The following EYS variants were observed in gnomAD, a reference collection of about 807,000 sequenced individuals.
The protein encoded by EYS is EGF-like photoreceptor maintenance factor, also known as protein eyes shut homolog.
EYS carries 250 observed loss-of-function variants against 282.1 expected under a neutral mutation model. The observed-to-expected ratio is 0.89, with a 90% CI of 0.80 to 0.98. EYS has a LOEUF of 0.98. Ranked by LOEUF, EYS falls within the 50% of genes least tolerant of loss-of-function variation. EYS has a pLI of 0.00. For synonymous variants in EYS, 1,355 were observed against 1,282.9 expected (o/e 1.06, Z -1.20); for missense variants, 4,016 against 3,709.0 (o/e 1.08, Z -2.15).
chr6:63,902,993 G>C (rs1426565208), intron 35 of EYS, among the ~76,000 whole-genome samples: 1 of 152,188 alleles, frequency 6.6e-6, no homozygotes, highest in East Asian at 1.9e-4. Flanking sequence ...TGTCACCTAG[G>C]AGAAGGAAAG....
At chr6:64,017,467 TC>T (rs1431657017) in intron 33 of EYS, among the ~76,000 whole-genome samples, 14 of 152,284 alleles carry the variant, frequency 9.2e-5, no homozygotes, top group African/African-American at 2.9e-4. Context: ...GTCATATTAT[TC>T]CATAGTTGTT....
At chr6:64,045,403 T>TTTTA (rs927535369) in intron 33 of EYS, among the ~76,000 whole-genome samples, 2 of 146,628 alleles carry the variant, frequency 1.4e-5, no homozygotes, top group Admixed American at 1.4e-4. Context: ...TTTTATTTTA[T>TTTTA]TTTATTTTAT....
chr6:65,311,887 T>C (rs997709641), intron 11 of EYS, among the ~76,000 whole-genome samples: 1 of 152,090 alleles, frequency 6.6e-6, no homozygotes, highest in Admixed American at 6.6e-5. Flanking sequence ...GAAAAATGAG[T>C]GCTTTTCTGG....
chr6:65,099,109 C>G (rs1774820511), intron 12 of EYS, among the ~76,000 whole-genome samples: 1 of 150,500 alleles, frequency 6.6e-6, no homozygotes, highest in Non-Finnish European at 1.5e-5. Context: ...TACATAAACA[C>G]ACACACACCT....
At chr6:64,961,628 C>T (rs1451366344) in intron 14 of EYS, among the ~76,000 whole-genome samples, 1 of 152,044 alleles carries the variant, frequency 6.6e-6, no homozygotes, top group Admixed American at 6.6e-5. Flanking sequence ...ATGCATGCTT[C>T]ATCAGTACAA....
intron 33 of EYS, among the ~76,000 whole-genome samples, chr6:64,024,364 A>G (rs1769368602): frequency 6.6e-6 from 1 of 152,052 alleles, no homozygotes; most frequent in South Asian, 2.1e-4. Context: ...GACACTCTGT[A>G]TCTAGCTAAT....
intron 19 of EYS, among the ~76,000 whole-genome samples, chr6:64,870,541 G>T (rs1766564749): frequency 6.6e-6 from 1 of 150,732 alleles, no homozygotes; most frequent in Non-Finnish European, 1.5e-5. Flanking sequence ...AGTGAAAGAA[G>T]GAAACAGGAA....
intron 22 of EYS, chr6:64,733,419 T>C (rs1772044455): frequency 5.5e-6 from 1 of 180,434 alleles, no homozygotes; most frequent in South Asian, 1.3e-4. Flanking sequence ...TTTCACAACA[T>C]CATCTACTCT....
chr6:63,825,893 A>T (rs1016489999), intron 36 of EYS, among the ~76,000 whole-genome samples: 2 of 152,220 alleles, frequency 1.3e-5, no homozygotes, highest in Non-Finnish European at 2.9e-5. Flanking sequence ...AACCAAGAAG[A>T]AATCCCTGAG....
At chr6:64,122,931 T>G (rs1458395486) in intron 31 of EYS, among the ~76,000 whole-genome samples, 1 of 152,154 alleles carries the variant, frequency 6.6e-6, no homozygotes, top group Non-Finnish European at 1.5e-5. Context: ...TTTTTGAATT[T>G]TCAGTGTTAT....
At chr6:64,461,893 A>T (rs1775763238) in intron 26 of EYS, among the ~76,000 whole-genome samples, 1 of 152,158 alleles carries the variant, frequency 6.6e-6, no homozygotes, top group South Asian at 2.1e-4. Flanking sequence ...TTGATTTTGA[A>T]GAAATAATTT....
intron 24 of EYS, among the ~76,000 whole-genome samples, chr6:64,613,795 C>T (rs139367891): frequency 1.5e-3 from 223 of 152,260 alleles, no homozygotes; most frequent in African/African-American, 5.1e-3. Context: ...AGGGTTCTCA[C>T]AGTGAGGTTT....
chr6:64,012,680 C>T (rs767934038), intron 33 of EYS, among the ~76,000 whole-genome samples: 1 of 152,118 alleles, frequency 6.6e-6, no homozygotes, highest in Admixed American at 6.5e-5. Flanking sequence ...TAAGGAAATG[C>T]TGTTTCCTAA....
chr6:64,399,337 G>A (rs1773475855), intron 28 of EYS, among the ~76,000 whole-genome samples: 1 of 151,468 alleles, frequency 6.6e-6, no homozygotes, highest in African/African-American at 2.4e-5. Context: ...TATATCAATT[G>A]ACCTAAAATA....
At chr6:65,051,539 C>T (rs1037198314) in intron 13 of EYS, among the ~76,000 whole-genome samples, 2 of 151,568 alleles carry the variant, frequency 1.3e-5, no homozygotes, top group African/African-American at 2.4e-5. Context: ...ACCTCACACA[C>T]ATTTTGAGGT....
At chr6:63,960,864 C>A (rs1754875077) in intron 35 of EYS, among the ~76,000 whole-genome samples, 1 of 152,046 alleles carries the variant, frequency 6.6e-6, no homozygotes, top group African/African-American at 2.4e-5. Context: ...ACTGAGAAAC[C>A]AAAAATTTCA....
chr6:65,020,506 G>C (rs1240503213), intron 13 of EYS, among the ~76,000 whole-genome samples: 1 of 152,190 alleles, frequency 6.6e-6, no homozygotes, highest in Non-Finnish European at 1.5e-5. Context: ...TGTCCCTGTG[G>C]TTTTGCAGGG....
At chr6:65,310,401 C>T (rs1769124960) in intron 11 of EYS, among the ~76,000 whole-genome samples, 2 of 151,944 alleles carry the variant, frequency 1.3e-5, no homozygotes, top group South Asian at 2.1e-4. Context: ...TTAGTGGTGA[C>T]CAGCTTCCAA....
chr6:64,902,202 C>T lies in EYS; in HGVS notation c.2757G>A (p.Gly919=), dbSNP rs1767688994. 6.4e-7 allele frequency: 1 copy of T among 1,550,462 alleles called. No homozygotes were observed. ...VNNFRCICRP[G]FSGSLCEIEI... is the part of the protein sequence containing the mutation. ...CAATTTCACACAGAGATCCAGAAAA[C>T]CCAGGTCTGCAAATACACCTTTTAA... The change falls in exon 18 of 43, where the codon GGG becomes GGA. Residue 919 remains glycine, a synonymous_variant. Transcript: ENST00000503581.
Sources: allele counts gnomAD v4.1 joint callset (sites outside exome capture counted in the v4.1 genomes callset), GRCh38; gene constraint gnomAD v4.1.1; transcripts MANE v1.5; gene names NCBI Gene and HGNC (gene_info 2026-07-23, HGNC 2026-07-21).